SLC6A16: variants seen among roughly 807,000 people sequenced by gnomAD.
The protein encoded by SLC6A16 is solute carrier family 6 member 16.
A neutral mutation model predicts 65.4 loss-of-function variants in SLC6A16; 54 were observed. The observed-to-expected ratio is 0.83, with a 90% CI of 0.66 to 1.04. The LOEUF (loss-of-function observed/expected upper bound fraction) is 1.04. Among genes scored for constraint, SLC6A16 ranks in the 50% least tolerant of loss-of-function variants. The pLI is 0.00. For synonymous variants in SLC6A16, 330 were observed against 346.5 expected (o/e 0.95, Z 0.53); for missense variants, 816 against 914.0 (o/e 0.89, Z 1.38).
At chr19:49,335,970 A>T in the SLC6A16 span, 2 of 624,718 alleles carry the variant, frequency 3.2e-6, no homozygotes, top group Non-Finnish European at 5.7e-6. The surrounding 1 kb of genome is among the most constrained non-coding windows in gnomAD (Gnocchi z 4.6). Flanking sequence ...GTGCATACAA[A>T]CAACAATGAT....
chr19:49,318,857 C>T (rs1363557145), intron 1 of SLC6A16, among the ~76,000 whole-genome samples: 2 of 149,518 alleles, frequency 1.3e-5, no homozygotes, highest in African/African-American at 2.5e-5. Flanking sequence ...TGTGCACCAC[C>T]ACAACTGGCT....
At chr19:49,308,366 T>C (rs943097718) in intron 7 of SLC6A16, among the ~76,000 whole-genome samples, 1 of 152,114 alleles carries the variant, frequency 6.6e-6, no homozygotes, top group Non-Finnish European at 1.5e-5. Context: ...GGCAGGAGAA[T>C]GGCTTGAACC....
intron 1 of SLC6A16, chr19:49,312,635 GA>G: frequency 5.6e-6 from 5 of 891,302 alleles, no homozygotes; most frequent in Non-Finnish European, 6.7e-6. Context: ...TTACATGAAA[GA>G]GAGGAAGAGA....
Position 49,293,839 on chromosome 19 carries a change from T to C in SLC6A16, c.1606A>G (p.Lys536Glu). The C allele has an allele frequency of 1.2e-6, 2 of 1,613,802 alleles. No individual in the cohort carries two copies. Among genetic ancestry groups the C allele is most frequent in the Non-Finnish European group, 1.7e-6 (2 of 1,179,896 alleles). Residue 536 changes from lysine (K) to glutamate (E), a missense_variant, in exon 9 of 12, where the codon AAG becomes GAG. Transcript: ENST00000335875. ...DTFSFFRKHT[K>E]LLIVGVFLLM... ...TAGGTCAGAGTACCTATGAGCAGCTTTGTATGTTTCCTGAAGAAAGAGAAG... is the reference window on the plus strand; with the variant it reads ...TAGGTCAGAGTACCTATGAGCAGCTCTGTATGTTTCCTGAAGAAAGAGAAG...
Position 49,311,081 on chromosome 19 carries a change from C to T in SLC6A16, c.267G>A (p.Val89=), listed in dbSNP as rs779600148. 1.2e-6 allele frequency: 2 copies of T among 1,614,204 alleles called. No individual in the cohort carries two copies. Among genetic ancestry groups the T allele is most frequent in the Non-Finnish European group, 8.5e-7 (1 of 1,180,040 alleles). The change falls in exon 2 of 12, where the codon GTG becomes GTA. Residue 89 remains valine, a synonymous_variant. Coordinates refer to ENST00000335875, the MANE Select transcript of SLC6A16 (RefSeq NM_014037.3). ...ALNQKPTHEK[V]QMTEKKESEV... ...CACTCTCTTTCTTCTCTGTCATCTG[C>T]ACCTTCTCATGCGTGGGTTTCTGGT...
At position 49,309,370 on chromosome 19, in the gene SLC6A16, G is replaced by T; in HGVS notation, c.918C>A (p.Val306=). The change falls in exon 6 of 12, where the codon GTC becomes GTA. Residue 306 remains valine (V), a synonymous_variant. Coordinates refer to ENST00000335875, the MANE Select transcript of SLC6A16 (RefSeq NM_014037.3). ...VLVLLPCFII[V]GFFIRTLLLE... Reference sequence around the variant, plus strand: ...GGAGTAGAGTCCGGATGAAGAAACCGACAATGATGAAACAGGGGAGCAGTA... The same window carrying T: ...GGAGTAGAGTCCGGATGAAGAAACCTACAATGATGAAACAGGGGAGCAGTA... 1 of 1,614,062 alleles carries T rather than the reference G, an allele frequency of 6.2e-7. No homozygotes were observed. The highest frequency in any genetic ancestry group is 1.1e-5 in the South Asian group (1 of 91,062).
chr19:49,300,230 C>T (rs953155497), intron 7 of SLC6A16, among the ~76,000 whole-genome samples: 1 of 151,922 alleles, frequency 6.6e-6, no homozygotes, highest in Admixed American at 6.6e-5. Context: ...CCCAGCTACT[C>T]GAGAGGCTGA....
At chr19:49,327,380 G>A (rs775132061), upstream of SLC6A16, among the ~76,000 whole-genome samples, 8 of 152,192 alleles carry the variant, frequency 5.3e-5, no homozygotes, top group Admixed American at 1.3e-4. Flanking sequence ...GAGCCACTGC[G>A]CCCGGCCCAT....
chr19:49,326,171 A>G (rs1417195376), upstream of SLC6A16, among the ~76,000 whole-genome samples: 1 of 149,964 alleles, frequency 6.7e-6, no homozygotes, highest in Admixed American at 6.6e-5. Flanking sequence ...CTCCGTCTCA[A>G]AAAAAAAAAG....
chr19:49,325,617 A>G (rs1970787016), upstream of SLC6A16, among the ~76,000 whole-genome samples: 1 of 152,222 alleles, frequency 6.6e-6, no homozygotes, highest in Non-Finnish European at 1.5e-5. Flanking sequence ...AAGAGAGCTC[A>G]GAAGCCTACT....
the SLC6A16 span, chr19:49,338,145 A>C: frequency 6.8e-7 from 1 of 1,475,024 alleles, no homozygotes. The surrounding 1 kb of genome is among the most constrained non-coding windows in gnomAD (Gnocchi z 5.0). Flanking sequence ...ACACACCCCA[A>C]TCCCTCCCAG....
Position 49,311,784 on chromosome 19 carries a change from G to A in SLC6A16, c.-64-373C>T, listed in dbSNP as rs141903753. The stretch of plus-strand genomic sequence containing the variant: ...GAATCGCTTGAACCCAGGAGGCGTA[G>A]GTTGCAGTGAGCCGAGATCAGGCCA... On this transcript the variant is annotated intron_variant, in intron 1 of 11. Transcript: ENST00000335875. Among the ~76,000 whole-genome samples the A allele has an allele frequency of 6.5e-3, 976 of 151,010 alleles. 11 individuals carry two copies. The highest frequency in any genetic ancestry group is 0.022 in the African/African-American group (922 of 41,090).
intron 7 of SLC6A16, among the ~76,000 whole-genome samples, chr19:49,302,104 C>T (rs1970302202): frequency 6.6e-6 from 1 of 152,226 alleles, no homozygotes; most frequent in African/African-American, 2.4e-5. Context: ...GCCCCACTGC[C>T]ACATGCATGC....
chr19:49,339,762 G>T, the SLC6A16 span: 1 of 1,382,288 alleles, frequency 7.2e-7, no homozygotes, highest in Non-Finnish European at 9.3e-7. This position sits in a 1 kb window ranked among gnomAD's most constrained non-coding sequence, Gnocchi z 4.5. Context: ...GGCCCAGCCT[G>T]ATCGCTGACG....
At chr19:49,299,879 C>T (rs907643555) in intron 7 of SLC6A16, among the ~76,000 whole-genome samples, 4 of 108,222 alleles carry the variant, frequency 3.7e-5, no homozygotes, top group African/African-American at 1.2e-4. Context: ...AAAAACTAGC[C>T]GGGCGTGGTG....
In SLC6A16 at chr19:49,290,700, G is replaced by A; in HGVS notation, c.1846C>T (p.His616Tyr). 1.2e-6 allele frequency: 2 copies of A among 1,613,808 alleles called. No individual in the cohort carries two copies. Among genetic ancestry groups the A allele is most frequent in the Non-Finnish European group, 8.5e-7 (1 of 1,179,862 alleles). The change falls in exon 11 of 12, where the codon CAT (histidine) becomes TAT (tyrosine). Residue 616 changes from histidine to tyrosine, a missense_variant. Transcript: ENST00000335875. The part of the protein sequence containing the change: ...ISPIFGWLWP[H>Y]LCPVVLLIIF... Reference sequence around the variant, plus strand: ...ATTAGCAGCACAACTGGACACAGATGGGGCCACAGCCAACCAAAGATGGGA... The same window carrying A: ...ATTAGCAGCACAACTGGACACAGATAGGGCCACAGCCAACCAAAGATGGGA...
At chr19:49,293,435 A>G in intron 9 of SLC6A16, 53 bp from the exon 10 acceptor site, 1 of 1,573,208 alleles carries the variant, frequency 6.4e-7, no homozygotes, top group Non-Finnish European at 8.7e-7. Context: ...CTGGGTGACA[A>G]GGGCTAAGTA....
Position 49,290,114 on chromosome 19 carries a change from T to C in SLC6A16, c.*9A>G, listed in dbSNP as rs1970044733. 3 of 1,612,462 alleles carry C rather than the reference T, an allele frequency of 1.9e-6. No homozygotes were observed. The highest frequency in any genetic ancestry group is 2.5e-6 in the Non-Finnish European group (3 of 1,179,204). On this transcript the variant is annotated 3_prime_UTR_variant, in exon 12 of 12. Coordinates refer to ENST00000335875, the MANE Select transcript of SLC6A16 (RefSeq NM_014037.3). ...AAGGGATATGTTATGTGAAGCCAAATTAATGAAGTTAGGAAGTCACATTAC... is the reference window on the plus strand; with the variant it reads ...AAGGGATATGTTATGTGAAGCCAAACTAATGAAGTTAGGAAGTCACATTAC...
chr19:49,311,160 G>A lies in SLC6A16; in HGVS notation c.188C>T (p.Thr63Ile), dbSNP rs1320434672. Residue 63 changes from threonine to isoleucine, a missense_variant, in exon 2 of 12, where the codon ACC (threonine) becomes ATC (isoleucine). Coordinates refer to ENST00000335875, the MANE Select transcript of SLC6A16 (RefSeq NM_014037.3). ...TACAGAAATTTGCTTGGGCTGACTG[G>A]TCCTGGCCTGAGCCTCTGCAACCCG... ...AARVAEAQAR[T>I]SQPKQISVLE... The A allele has an allele frequency of 6.2e-7, 1 of 1,614,140 alleles. No homozygotes were observed. Among genetic ancestry groups the A allele is most frequent in the Non-Finnish European group, 8.5e-7 (1 of 1,180,026 alleles).
Sources: gnomAD v4.1 joint callset for allele counts (sites outside exome capture counted in the v4.1 genomes callset) on GRCh38, gnomAD v4.1.1 for gene constraint, Gnocchi (gnomAD v3.1) non-coding constraint, MANE v1.5 for transcripts, NCBI Gene and HGNC (gene_info 2026-07-23, HGNC 2026-07-21) for gene names.